OPA1: variants seen among roughly 807,000 people sequenced by gnomAD.
OPA1 encodes the protein OPA1 mitochondrial dynamin like GTPase, also known as dynamin-like GTPase OPA1, mitochondrial.
In OPA1, 59 loss-of-function variants were observed where a neutral mutation model predicts 152.9. The ratio of observed to expected loss-of-function variants is 0.39; its 90% confidence interval spans 0.31 to 0.48. The LOEUF is 0.48. Ranked by LOEUF, OPA1 falls within the 20% of genes least tolerant of loss-of-function variation. OPA1 has a pLI of 0.96. For missense variants in OPA1, 1,008 were observed against 1,216.8 expected, an observed-to-expected ratio of 0.83 and a Z score of 2.55; for synonymous variants, 400 against 389.9, an observed-to-expected ratio of 1.03 and a Z score of -0.31.
chr3:193,664,345 T>C (rs1261462280), intron 26 of OPA1, among the ~76,000 whole-genome samples: 2 of 152,070 alleles, frequency 1.3e-5, no homozygotes, highest in African/African-American at 4.8e-5. Context: ...TAGTTAACAT[T>C]ATTATTGTTT....
intron 1 of OPA1, among the ~76,000 whole-genome samples, chr3:193,601,060 T>C (rs1466801353): frequency 1.3e-5 from 2 of 152,180 alleles, no homozygotes; most frequent in Non-Finnish European, 2.9e-5. Context: ...ATTAAGTGTT[T>C]TCGTTGAATA....
intron 20 of OPA1, chr3:193,648,451 C>T (rs1380470445): frequency 2.7e-6 from 1 of 367,540 alleles, no homozygotes. Context: ...CATTGTTTTT[C>T]CTTGATTTTA....
intron 30 of OPA1, among the ~76,000 whole-genome samples, chr3:193,693,143 G>A (rs766528558): frequency 3.3e-5 from 5 of 152,302 alleles, no homozygotes; most frequent in East Asian, 3.9e-4. Context: ...GGCTACGCTC[G>A]GTTCAGGTCA....
At chr3:193,689,318 T>A (rs996391468) in intron 29 of OPA1, 3 of 152,220 alleles carry the variant, frequency 2.0e-5, no homozygotes, top group African/African-American at 7.2e-5. Flanking sequence ...TCCCCTCCGT[T>A]CACACCTCCT....
At chr3:193,670,970 G>A (rs1717794216) in intron 29 of OPA1, among the ~76,000 whole-genome samples, 3 of 152,110 alleles carry the variant, frequency 2.0e-5, no homozygotes, top group South Asian at 2.1e-4. Flanking sequence ...CCCTCTGAAG[G>A]AGGCTCCAAC....
intron 8 of OPA1, among the ~76,000 whole-genome samples, chr3:193,634,139 A>G (rs1732547163): frequency 1.3e-5 from 2 of 152,086 alleles, no homozygotes; most frequent in South Asian, 4.1e-4. Context: ...GGACATAAAC[A>G]TTCTGCTGGT....
At chr3:193,683,926 C>A (rs1466369846) in intron 29 of OPA1, among the ~76,000 whole-genome samples, 1 of 152,102 alleles carries the variant, frequency 6.6e-6, no homozygotes, top group East Asian at 1.9e-4. Flanking sequence ...TGCATATCTC[C>A]CAAGTATGCT....
chr3:193,689,859 C>T (rs1721430333), intron 29 of OPA1, among the ~76,000 whole-genome samples: 1 of 151,918 alleles, frequency 6.6e-6, no homozygotes, highest in Admixed American at 6.6e-5. Context: ...TTTGAGATTC[C>T]CGTGTGTTGT....
chr3:193,676,852 G>A (rs925972408), intron 29 of OPA1, among the ~76,000 whole-genome samples: 3 of 151,962 alleles, frequency 2.0e-5, no homozygotes, highest in African/African-American at 4.8e-5. Flanking sequence ...GTGGTGGCGG[G>A]CGCCTGTAGT....
intron 1 of OPA1, among the ~76,000 whole-genome samples, chr3:193,613,744 A>AT (rs1384009786): frequency 6.6e-6 from 1 of 151,780 alleles, no homozygotes; most frequent in Non-Finnish European, 1.5e-5. Flanking sequence ...CACTCAGCTA[A>AT]TTTTTGTATT....
chr3:193,673,080 C>T (rs915181951), intron 29 of OPA1, among the ~76,000 whole-genome samples: 1 of 152,058 alleles, frequency 6.6e-6, no homozygotes, highest in African/African-American at 2.4e-5. Context: ...TTATTTTTCT[C>T]ATTTTACAGA....
chr3:193,601,777 G>A (rs1044486797), intron 1 of OPA1, among the ~76,000 whole-genome samples: 2 of 152,166 alleles, frequency 1.3e-5, no homozygotes, highest in African/African-American at 4.8e-5. Flanking sequence ...AGTTGAAAAA[G>A]AGTGTTGTTT....
chr3:193,624,891 A>C (rs567133182), intron 6 of OPA1, among the ~76,000 whole-genome samples: 107 of 152,254 alleles, frequency 7.0e-4, no homozygotes, highest in African/African-American at 2.5e-3. Context: ...TCATTTTTTA[A>C]CTCTGAAACT....
At chr3:193,649,013 A>G (rs1577262789) in intron 21 of OPA1, 142 bp downstream of exon 21, 1 of 604,682 alleles carries the variant, frequency 1.7e-6, no homozygotes, top group East Asian at 2.9e-5. Flanking sequence ...TTTTTTGGCA[A>G]TATCTAACTA....
rs554100404 is a variant in OPA1 at position 193,641,688 on chromosome 3, A to C, written c.1150-1077A>C. Among the ~76,000 whole-genome samples the C allele has an allele frequency of 2.0e-5, 3 of 152,342 alleles. No homozygotes were observed. The East Asian group carries it at 5.8e-4, about 29-fold the overall frequency. ...TCCAACAGCTGTTTATTGTTTTTAA[A>C]TTTAGCCTGTTTAGCTAATCTCAGT... On this transcript the variant is annotated intron_variant, in intron 11 of 30. Coordinates refer to ENST00000361510, the MANE Select transcript of OPA1 (RefSeq NM_130837.3).
intron 29 of OPA1, chr3:193,689,131 G>GAT (rs1437744746): frequency 6.6e-6 from 1 of 152,174 alleles, no homozygotes; most frequent in African/African-American, 2.4e-5. Flanking sequence ...ATACATAGTA[G>GAT]ATACATCATA....
At chr3:193,622,798 G>T (rs1462219358) in intron 6 of OPA1, among the ~76,000 whole-genome samples, 2 of 152,128 alleles carry the variant, frequency 1.3e-5, no homozygotes, top group Non-Finnish European at 2.9e-5. Context: ...GGATAGTCTT[G>T]TGTCTTAGTA....
chr3:193,672,793 C>T (rs1293764004), intron 29 of OPA1, among the ~76,000 whole-genome samples: 11 of 150,210 alleles, frequency 7.3e-5, no homozygotes, highest in East Asian at 2.0e-4. Flanking sequence ...CGCCTGAACC[C>T]GGGAGGCAGA....
Position 193,629,016 on chromosome 3 carries a change from C to T in OPA1, c.790-2596C>T, listed in dbSNP as rs377430877. Among the ~76,000 whole-genome samples the T allele has an allele frequency of 7.9e-5, 12 of 152,112 alleles. No individual in the cohort carries two copies. The South Asian group carries it at 1.5e-3, about 18-fold the overall frequency. ...GCGACCTCTGCCTCCCGGGTTCAAG[C>T]GATTCTCCTGCCTCAGTCTCCCGAG... On this transcript the variant is annotated intron_variant, in intron 7 of 30. Coordinates refer to ENST00000361510, the MANE Select transcript of OPA1 (RefSeq NM_130837.3).
Sources: allele counts gnomAD v4.1 joint callset (sites outside exome capture counted in the v4.1 genomes callset), GRCh38; gene constraint gnomAD v4.1.1; transcripts MANE v1.5; gene names NCBI Gene and HGNC (gene_info 2026-07-23, HGNC 2026-07-21).